Variants in GLRA2 observed in about 807,000 individuals in gnomAD.
GLRA2 encodes the protein glycine receptor alpha 2, also known as glycine receptor subunit alpha-2.
In GLRA2, 11 loss-of-function variants were observed where a neutral mutation model predicts 31.6. The ratio of observed to expected loss-of-function variants is 0.35; its 90% CI spans 0.22 to 0.58. The LOEUF (loss-of-function observed/expected upper bound fraction) is 0.58. Ranked by LOEUF, GLRA2 falls within the 20% of genes least tolerant of loss-of-function variation. The pLI is 0.84. For synonymous variants in GLRA2, 132 were observed against 134.0 expected (o/e 0.99, Z 0.10); for missense variants, 212 against 351.8 (o/e 0.60, Z 3.18).
the GLRA2 span, among the ~76,000 whole-genome samples, chrX:14,458,481 C>A: frequency 8.9e-6 from 1 of 112,118 alleles, no homozygotes; most frequent in Non-Finnish European, 1.9e-5. Context: ...AGTTTACAGT[C>A]CCACCAACTG....
intron 7 of GLRA2, among the ~76,000 whole-genome samples, chrX:14,671,487 A>G (rs1045447167): frequency 7.2e-5 from 8 of 110,839 alleles, no homozygotes; most frequent in African/African-American, 2.6e-4. Context: ...GTGTTCAATT[A>G]TGCTAGGGAT....
rs748732038 is a variant in GLRA2 at position 14,718,786 on chromosome X, C to T, written c.1081-11421C>T. Reference sequence around the variant, plus strand: ...ATTTTTTATATGGTGTCCCAAGACTCCAGGCCCAAGTGCACCAGTGAACAT... The same window carrying T: ...ATTTTTTATATGGTGTCCCAAGACTTCAGGCCCAAGTGCACCAGTGAACAT... On this transcript the variant is annotated intron_variant, in intron 8 of 8. Transcript: ENST00000218075. Among the ~76,000 whole-genome samples, 3 of 111,591 alleles carry T rather than the reference C, an allele frequency of 2.7e-5. No homozygotes were observed. The South Asian group carries it at 1.1e-3, about 42-fold the overall frequency.
At chrX:14,706,745 A>G (rs1322467341) in intron 8 of GLRA2, among the ~76,000 whole-genome samples, 1 of 112,277 alleles carries the variant, frequency 8.9e-6, no homozygotes, top group Non-Finnish European at 1.9e-5. Context: ...AACAGGATCC[A>G]TGATAGAGTG....
intron 7 of GLRA2, among the ~76,000 whole-genome samples, chrX:14,685,665 C>A (rs1438550096): frequency 9.0e-6 from 1 of 111,041 alleles, no homozygotes; most frequent in African/African-American, 3.3e-5. Flanking sequence ...TGGTGATATC[C>A]CCTTTGTCAT....
intron 2 of GLRA2, among the ~76,000 whole-genome samples, chrX:14,561,499 CA>C (rs1406818448): frequency 8.9e-6 from 1 of 112,367 alleles, no homozygotes; most frequent in Non-Finnish European, 1.9e-5. Flanking sequence ...ATTTTCACTA[CA>C]AAAGCAGAAT....
rs1189128460 is a variant in GLRA2 at position 14,731,490 on chromosome X, G to GTAAC, written c.*1008_*1011dup. 5 of 111,596 alleles carry GTAAC rather than the reference G, an allele frequency of 4.5e-5. No individual in the cohort carries two copies. The highest frequency in any genetic ancestry group is 9.6e-5 in the Admixed American group (1 of 10,442). 9.2% of individuals were successfully genotyped at this position (111,596 alleles called of 1,213,427 possible). On this transcript the variant is annotated 3_prime_UTR_variant, in exon 9 of 9. Transcript: ENST00000218075. Reference sequence around the variant, plus strand: ...TTCCATTTCTGCTCTCATTGTAGGTGTAACTACTAGTCCTAATGTCAACTG... The same window carrying GTAAC: ...TTCCATTTCTGCTCTCATTGTAGGTGTAACTAACTACTAGTCCTAATGTCAACTG...
intron 7 of GLRA2, among the ~76,000 whole-genome samples, chrX:14,619,258 T>C (rs768043462): frequency 1.8e-5 from 2 of 110,922 alleles, no homozygotes; most frequent in Non-Finnish European, 3.8e-5. Context: ...AAGTCCTATT[T>C]AGCACCTCCC....
intron 7 of GLRA2, among the ~76,000 whole-genome samples, chrX:14,615,043 AG>A (rs1164109279): frequency 8.9e-6 from 1 of 111,923 alleles, no homozygotes; most frequent in Non-Finnish European, 1.9e-5. Context: ...GTCTCCCTTT[AG>A]TGTAAGGCTT....
chrX:14,657,299 T>C (rs1347993402), intron 7 of GLRA2, among the ~76,000 whole-genome samples: 1 of 112,238 alleles, frequency 8.9e-6, no homozygotes, highest in Non-Finnish European at 1.9e-5. Flanking sequence ...TTCTGTACTT[T>C]CCAATATAGT....
chrX:14,542,725 T>C (rs1439046567), intron 2 of GLRA2, among the ~76,000 whole-genome samples: 3 of 110,862 alleles, frequency 2.7e-5, no homozygotes, highest in Non-Finnish European at 5.7e-5. Context: ...TCAGGTCCTG[T>C]ATATAATTTC....
At chrX:14,675,877 C>T (rs1034789003) in intron 7 of GLRA2, among the ~76,000 whole-genome samples, 1 of 112,041 alleles carries the variant, frequency 8.9e-6, no homozygotes, top group Admixed American at 9.5e-5. Context: ...AAAAGCAAAG[C>T]CAGAATTCTC....
chrX:14,617,285 T>C (rs2090464238), intron 7 of GLRA2, among the ~76,000 whole-genome samples: 2 of 111,808 alleles, frequency 1.8e-5, no homozygotes, highest in African/African-American at 6.5e-5. Flanking sequence ...TTGTGGAGCA[T>C]GCAACACAGT....
At chrX:14,481,903 C>T in the GLRA2 span, among the ~76,000 whole-genome samples, 2 of 110,159 alleles carry the variant, frequency 1.8e-5, no homozygotes, top group African/African-American at 6.6e-5. Context: ...TCTAAGACTG[C>T]ACTGTAAATA....
chrX:14,679,261 A>G (rs2091174848), intron 7 of GLRA2, among the ~76,000 whole-genome samples: 1 of 110,631 alleles, frequency 9.0e-6, no homozygotes, highest in South Asian at 3.9e-4. Context: ...CAAAGAGAGT[A>G]AGGAAGATCA....
chrX:14,725,927 T>C (rs2091924247), intron 8 of GLRA2, among the ~76,000 whole-genome samples: 1 of 112,525 alleles, frequency 8.9e-6, no homozygotes, highest in South Asian at 3.6e-4. Flanking sequence ...GATGATTCAT[T>C]TTCTGTGAGA....
intron 7 of GLRA2, among the ~76,000 whole-genome samples, chrX:14,673,365 C>CTAA (rs1363434707): frequency 8.9e-6 from 1 of 112,092 alleles, no homozygotes; most frequent in Admixed American, 9.4e-5. Context: ...ACATATCTTA[C>CTAA]CCACTGTTCA....
chrX:14,554,248 G>T (rs2089609645), intron 2 of GLRA2, among the ~76,000 whole-genome samples: 1 of 111,628 alleles, frequency 9.0e-6, no homozygotes, highest in Admixed American at 9.5e-5. Context: ...TACATTATCG[G>T]AAGCTCTGGC....
chrX:14,524,253 G>A, the GLRA2 span, among the ~76,000 whole-genome samples: 4 of 112,231 alleles, frequency 3.6e-5, no homozygotes, highest in East Asian at 1.1e-3. Context: ...AATGGCAATC[G>A]TTAATATTGA....
At chrX:14,663,276 A>C in intron 7 of GLRA2, among the ~76,000 whole-genome samples, 1 of 111,556 alleles carries the variant, frequency 9.0e-6, no homozygotes, top group South Asian at 3.7e-4. Flanking sequence ...AGTATTATTA[A>C]AGATTTTCAT....
Sources: allele counts gnomAD v4.1 joint callset (sites outside exome capture counted in the v4.1 genomes callset), GRCh38; gene constraint gnomAD v4.1.1; transcripts MANE v1.5; gene names NCBI Gene and HGNC (gene_info 2026-07-23, HGNC 2026-07-21).